Variants in SYNE2 observed in about 807,000 individuals in gnomAD.
SYNE2 encodes the protein nesprin-2.
In SYNE2, 431 loss-of-function variants were observed where a neutral mutation model predicts 856.3. The observed-to-expected ratio is 0.50, with a 90% CI of 0.47 to 0.55. The LOEUF is 0.55. SYNE2 is among the 20% of genes least tolerant of loss of function. The probability of loss-of-function intolerance (pLI) is 0.00; values close to 1 mark genes in which losing one functional copy is unlikely to be tolerated. For missense variants in SYNE2, 8,129 were observed against 8,023.2 expected (o/e 1.01, Z -0.50); for synonymous variants, 2,923 against 2,872.3 (o/e 1.02, Z -0.56).
rs976418799 is a variant in SYNE2, at chr14:63,783,134, T to C, written c.-305+21148T>C. On this transcript the variant is annotated intron_variant, in intron 1 of 23. Transcript: ENST00000674003. ...CAAGGGAGAGACCGGGTGGAGGTAA[T>C]TGAATCATGGGAGCAGTTCTCCCAT... Among the ~76,000 whole-genome samples the C allele has an allele frequency of 9.9e-5, 15 of 152,268 alleles. No homozygotes were observed. The Middle Eastern group carries it at 0.014, about 138-fold the overall frequency.
At chr14:63,832,866 C>A (rs1484260254) in intron 1 of SYNE2, among the ~76,000 whole-genome samples, 7 of 64,744 alleles carry the variant, frequency 1.1e-4, no homozygotes, top group Non-Finnish European at 1.1e-4. Flanking sequence ...CTGTCTCTAC[C>A]AAAAAAAAAA....
intron 107 of SYNE2, chr14:64,215,658 A>C: frequency 2.1e-6 from 1 of 480,554 alleles, no homozygotes. Context: ...GTCCTTTGGC[A>C]TGGGCCAAGC....
chr14:63,999,496 G>A (rs926660163), intron 27 of SYNE2, among the ~76,000 whole-genome samples: 2 of 152,148 alleles, frequency 1.3e-5, no homozygotes, highest in Non-Finnish European at 2.9e-5. Flanking sequence ...TACAGTGATT[G>A]CTGACTGTCT....
chr14:64,035,097 G>A (rs565616719), intron 45 of SYNE2, among the ~76,000 whole-genome samples: 6 of 151,628 alleles, frequency 4.0e-5, no homozygotes, highest in South Asian at 2.1e-4. Flanking sequence ...TATCATTGAC[G>A]TAATTGTTAG....
intron 1 of SYNE2, among the ~76,000 whole-genome samples, chr14:63,768,591 T>C (rs1350189767): frequency 1.3e-5 from 2 of 152,164 alleles, no homozygotes; most frequent in Non-Finnish European, 2.9e-5. Context: ...AGAAAATCTA[T>C]AGCAATCAAA....
intron 1 of SYNE2, among the ~76,000 whole-genome samples, chr14:63,792,642 A>G (rs1264726367): frequency 7.5e-6 from 1 of 133,886 alleles, no homozygotes; most frequent in Non-Finnish European, 1.6e-5. Flanking sequence ...GAAGAGAGGG[A>G]TGTTTTATTT....
chr14:63,936,305 G>A (rs1457273496), intron 2 of SYNE2, among the ~76,000 whole-genome samples: 3 of 152,198 alleles, frequency 2.0e-5, no homozygotes, highest in Non-Finnish European at 4.4e-5. Context: ...GTTGAGAGGA[G>A]AGTGAGACAT....
At chr14:63,974,888 GTGTGTATA>G (rs1456250354) in intron 11 of SYNE2, among the ~76,000 whole-genome samples, 7 of 26,458 alleles carry the variant, frequency 2.6e-4, no homozygotes, top group East Asian at 1.5e-3. Context: ...GTGTGTGTGT[GTGTGTATA>G]TATATATATA....
rs543323264 is a variant in SYNE2 at position 64,061,059 on chromosome 14, T to C, written c.10068-1692T>C. Among the ~76,000 whole-genome samples the C allele has an allele frequency of 2.6e-5, 4 of 152,342 alleles. No individual in the cohort carries two copies. In the South Asian group the frequency reaches 8.3e-4, roughly 32 times the overall value. On this transcript the variant is annotated intron_variant, in intron 49 of 115. Transcript: ENST00000555002. ...TGCCTTTTTTATCCTCTTCCATGCC[T>C]CTTTCAGAGATATGAACTAAAAACT... is the stretch of plus-strand genomic sequence containing the variant.
chr14:64,179,140 T>C (rs1230451438), intron 96 of SYNE2, among the ~76,000 whole-genome samples: 1 of 152,146 alleles, frequency 6.6e-6, no homozygotes, highest in African/African-American at 2.4e-5. Context: ...TAATGTAATT[T>C]TTTTTTCTTT....
rs148866419 is a variant in SYNE2 at position 64,079,530 on chromosome 14, A to C, written c.11163+924A>C. On this transcript the variant is annotated intron_variant, in intron 55 of 115. Transcript: ENST00000555002. ...TCCTAGTCCTCAAGATAGGGAAAAA[A>C]ATGTTCTTAAGCAAACATTAAGAAT... is the stretch of plus-strand genomic sequence containing the variant. Among the ~76,000 whole-genome samples the C allele has an allele frequency of 9.0e-3, 1,373 of 152,298 alleles. 17 individuals carry two copies. The highest frequency in any genetic ancestry group is 0.031 in the Admixed American group (469 of 15,300).
In SYNE2 at chr14:64,025,032, G is replaced by A; in HGVS notation, c.5960+1G>A. 2 of 1,614,068 alleles carry A rather than the reference G, an allele frequency of 1.2e-6. No individual in the cohort carries two copies. Among genetic ancestry groups the A allele is most frequent in the Non-Finnish European group, 1.7e-6 (2 of 1,179,942 alleles). On this transcript the variant is annotated splice_donor_variant, in intron 40 of 115. Coordinates refer to ENST00000555002, the MANE Select transcript of SYNE2 (RefSeq NM_182914.3). LOFTEE classifies it high-confidence loss of function. ...TCTGCCAAGCTTTAGCTAGAAAGAG[G>A]TATAGCTGATCTTGTATGAAATACA...
intron 54 of SYNE2, among the ~76,000 whole-genome samples, chr14:64,077,783 A>T (rs1360955187): frequency 6.6e-6 from 1 of 152,200 alleles, no homozygotes; most frequent in Non-Finnish European, 1.5e-5. Flanking sequence ...TACATTCAAC[A>T]TTCATTTATT....
chr14:63,855,024 C>T (rs1891372921), intron 1 of SYNE2, among the ~76,000 whole-genome samples: 1 of 152,120 alleles, frequency 6.6e-6, no homozygotes, highest in Non-Finnish European at 1.5e-5. Flanking sequence ...TACTCAAACT[C>T]CTACATATAC....
At chr14:63,764,440 C>T (rs973713184) in intron 1 of SYNE2, among the ~76,000 whole-genome samples, 2 of 151,788 alleles carry the variant, frequency 1.3e-5, no homozygotes, top group Non-Finnish European at 2.9e-5. Flanking sequence ...GAGGCCATAG[C>T]GGGAGGACTG....
intron 1 of SYNE2, among the ~76,000 whole-genome samples, chr14:63,818,016 C>A (rs1415350796): frequency 2.0e-5 from 2 of 101,138 alleles, no homozygotes; most frequent in Non-Finnish European, 4.1e-5. Context: ...CCAAGTGAGA[C>A]CCTTTCTCAA....
At position 64,134,114 on chromosome 14, in the gene SYNE2, C is replaced by T. The variant is rs1475889359; in HGVS notation, c.14560C>T (p.Leu4854=). 6.2e-7 allele frequency: 1 copy of T among 1,613,942 alleles called. No homozygotes were observed. Among genetic ancestry groups the T allele is most frequent in the Non-Finnish European group, 8.5e-7 (1 of 1,179,894 alleles). ...AAACTATGCATCTCTTGAAAAGGAC[C>T]TGGAAATTCTTATATCTACATTGCC... ...DENYASLEKD[L]EILISTLPSV... The change falls in exon 78 of 116, where the codon CTG becomes TTG. Residue 4854 remains leucine (L), a synonymous_variant. Coordinates refer to ENST00000555002, the MANE Select transcript of SYNE2 (RefSeq NM_182914.3).
intron 32 of SYNE2, among the ~76,000 whole-genome samples, chr14:64,012,641 AT>A (rs1430008263): frequency 6.6e-6 from 1 of 152,210 alleles, no homozygotes; most frequent in Non-Finnish European, 1.5e-5. Context: ...AGCTTTCCTT[AT>A]TTTATTAAAA....
At chr14:64,185,764 G>A (rs2098486350) in intron 96 of SYNE2, among the ~76,000 whole-genome samples, 2 of 152,046 alleles carry the variant, frequency 1.3e-5, no homozygotes, top group Non-Finnish European at 2.9e-5. Flanking sequence ...CAGGTGATCC[G>A]TCCACCTTGG....
Sources: allele counts gnomAD v4.1 joint callset (sites outside exome capture counted in the v4.1 genomes callset), GRCh38; gene constraint gnomAD v4.1.1; transcripts MANE v1.5; gene names NCBI Gene and HGNC (gene_info 2026-07-23, HGNC 2026-07-21).